Variants in CEP290 observed in about 807,000 individuals in gnomAD.
CEP290 encodes centrosomal protein of 290 kDa.
Under a neutral mutation model 344.9 loss-of-function variants are expected in CEP290, and 317 were observed. That is an observed-to-expected ratio of 0.92 (90% CI 0.84 to 1.01). The LOEUF (loss-of-function observed/expected upper bound fraction) is 1.01, where lower values mean the gene tolerates loss of function less well. CEP290 is among the 50% of genes least tolerant of loss of function. The pLI is 0.00. For synonymous variants in CEP290, 932 were observed against 895.8 expected, an observed-to-expected ratio of 1.04 and a Z score of -0.72; for missense variants, 2,754 against 2,761.4, an observed-to-expected ratio of 1.00 and a Z score of 0.06.
chr12:88,098,107 G>C (rs2037576375), intron 26 of CEP290, among the ~76,000 whole-genome samples: 1 of 151,696 alleles, frequency 6.6e-6, no homozygotes, highest in African/African-American at 2.4e-5. Context: ...AGGAGTTCGA[G>C]ACAAGCCTGG....
At chr12:88,137,495 G>C (rs2138229383) in intron 5 of CEP290, among the ~76,000 whole-genome samples, 1 of 152,168 alleles carries the variant, frequency 6.6e-6, no homozygotes, top group South Asian at 2.1e-4. Context: ...CAAATCATTT[G>C]GTCATCTAAT....
chr12:88,136,645 G>C lies in CEP290; in HGVS notation c.439C>G (p.Gln147Glu). 6.2e-7 allele frequency: 1 copy of C among 1,613,302 alleles called. No homozygotes were observed. The highest frequency in any genetic ancestry group is 2.2e-5 in the East Asian group (1 of 44,830). Residue 147 changes from glutamine (Q) to glutamate (E), a missense_variant and splice_region_variant, in exon 6 of 54, where the codon CAA becomes GAA. By Grantham distance (29) the Gln-to-Glu change is conservative. Transcript: ENST00000552810. ...CATGGAAAAAAAAAGTGCTTTACTT[G>C]CTCATTAACTTTCTTCTCTTTCTCC... The part of the protein sequence containing the change: ...ELEKEKKVNE[Q>E]LALRNEEAEN...
intron 39 of CEP290, 67 bp downstream of exon 39, chr12:88,079,025 C>T (rs2035991169): frequency 2.9e-6 from 4 of 1,356,194 alleles, no homozygotes; most frequent in Non-Finnish European, 3.9e-6. Context: ...TACTATATAT[C>T]ATAGTGAATT....
Position 88,049,290 on chromosome 12 carries a change from A to G in CEP290, c.7334T>C (p.Val2445Ala). 1 of 1,606,648 alleles carries G rather than the reference A, an allele frequency of 6.2e-7. No homozygotes were observed. Among genetic ancestry groups the G allele is most frequent in the South Asian group, 1.1e-5 (1 of 90,302 alleles). ...TCCCAATTGTTCTGAAAGTTTTTTTACCTTCTCTTCTAAGAGAATATTCTT... is the reference window on the plus strand; with the variant it reads ...TCCCAATTGTTCTGAAAGTTTTTTTGCCTTCTCTTCTAAGAGAATATTCTT... ...VKKNILLEEK[V>A]KKLSEQLGVE... Residue 2445 changes from valine to alanine, a missense_variant, in exon 54 of 54, where the codon GTA becomes GCA. Coordinates refer to ENST00000552810, the MANE Select transcript of CEP290 (RefSeq NM_025114.4).
chr12:88,089,376 G>A lies in CEP290; in HGVS notation c.3685C>T (p.Gln1229Ter). Reference protein sequence around the residue: ...GKLESITSKLQKMEAYNLRLE... With the variant: ...GKLESITSKL ...CGCAAGTTGTAGGCCTCCATCTTCT[G>A]CAGTTTAGATGTAATTGACTCCAAC... The change falls in exon 31 of 54, where the codon CAG becomes TAG. Residue 1229 changes from glutamine to a stop codon, truncating the protein, a stop_gained. Coordinates refer to ENST00000552810, the MANE Select transcript of CEP290 (RefSeq NM_025114.4). LOFTEE classifies it high-confidence loss of function. 2 of 1,613,796 alleles carry A rather than the reference G, an allele frequency of 1.2e-6. No individual in the cohort carries two copies. Among genetic ancestry groups the A allele is most frequent in the Non-Finnish European group, 1.7e-6 (2 of 1,179,824 alleles).
intron 39 of CEP290, among the ~76,000 whole-genome samples, 176 bp from the exon 40 acceptor site, chr12:88,078,094 T>C (rs904175466): frequency 6.7e-6 from 1 of 149,734 alleles, no homozygotes; most frequent in Non-Finnish European, 1.5e-5. Flanking sequence ...ATGTCAAGTC[T>C]ACCTTGAGGA....
At chr12:88,134,227 A>T (rs915379025) in intron 6 of CEP290, among the ~76,000 whole-genome samples, 9 of 152,186 alleles carry the variant, frequency 5.9e-5, no homozygotes, top group African/African-American at 2.2e-4. Context: ...CTACCTATTT[A>T]GTGGCCCAAC....
chr12:88,091,034 A>G (rs187739622), intron 29 of CEP290, among the ~76,000 whole-genome samples, 195 bp from the exon 30 acceptor site: 13 of 152,270 alleles, frequency 8.5e-5, no homozygotes, highest in African/African-American at 2.9e-4. Context: ...CATGTTTGCT[A>G]TATAAAAAAA....
chr12:88,076,527 C>CGATAT (rs1272141220), intron 41 of CEP290, among the ~76,000 whole-genome samples: 1 of 151,972 alleles, frequency 6.6e-6, no homozygotes, highest in Non-Finnish European at 1.5e-5. Context: ...AGTTCACTTT[C>CGATAT]GATATTTTGA....
At chr12:88,082,761 G>C (rs568845341) in intron 37 of CEP290, among the ~76,000 whole-genome samples, 1 of 152,112 alleles carries the variant, frequency 6.6e-6, no homozygotes, top group Non-Finnish European at 1.5e-5. Flanking sequence ...TTCTGGAAAA[G>C]AATTTGTATT....
intron 46 of CEP290, among the ~76,000 whole-genome samples, chr12:88,062,432 T>A (rs771033474): frequency 5.6e-4 from 86 of 152,262 alleles, no homozygotes; most frequent in Admixed American, 1.5e-3. Context: ...AACAAAAGGA[T>A]TCCTGGAAGT....
intron 26 of CEP290, among the ~76,000 whole-genome samples, chr12:88,098,975 G>A (rs192796166): frequency 9.2e-5 from 14 of 152,280 alleles, no homozygotes; most frequent in Admixed American, 7.8e-4. Context: ...CCAAGACAAG[G>A]AACTGGAATT....
At chr12:88,106,586 CAGGTGATGAGCATTATTGAT>C in intron 25 of CEP290, 69 bp downstream of exon 25, 1 of 745,942 alleles carries the variant, frequency 1.3e-6, no homozygotes, top group Non-Finnish European at 2.1e-6. Context: ...ACTATTAATT[CAGGTGATGAGCATTATTGAT>C]ACCATCCTAT....
chr12:88,089,325 C>T lies in CEP290; in HGVS notation c.3736G>A (p.Glu1246Lys). Residue 1246 changes from glutamate (E) to lysine (K), a missense_variant, in exon 31 of 54, where the codon GAA becomes AAA. By Grantham distance (56) the Glu-to-Lys change is moderately conservative. Coordinates refer to ENST00000552810, the MANE Select transcript of CEP290 (RefSeq NM_025114.4). ...LRLEQKLDEK[E>K]QALYYARLEG... ...AAACGAGCATAATAGAGAGCCTGTT[C>T]TTTTTCATCAAGTTTCTGCTCTAAG... is the stretch of plus-strand genomic sequence containing the variant. 6.2e-7 allele frequency: 1 copy of T among 1,613,930 alleles called. No individual in the cohort carries two copies. The highest frequency in any genetic ancestry group is 1.3e-5 in the African/African-American group (1 of 75,026).
intron 3 of CEP290, 34 bp downstream of exon 3, chr12:88,140,922 C>T (rs368638083): frequency 2.9e-5 from 41 of 1,429,522 alleles, no homozygotes; most frequent in Non-Finnish European, 3.7e-5. Context: ...CCACTAATAG[C>T]CAAACCTATA....
In CEP290 at chr12:88,055,763, G is replaced by A. The variant is rs1320170502; in HGVS notation, c.6819-46C>T. 4 of 1,283,450 alleles carry A rather than the reference G, an allele frequency of 3.1e-6. No homozygotes were observed. In the African/African-American group the frequency reaches 6.2e-5, roughly 20 times the overall value. 79.5% of individuals were successfully genotyped at this position (1,283,450 alleles called of 1,614,324 possible). ...AGTATAGACATGGCAAATAATTTAT[G>A]TCACTGATTTAAAAGTCAGTTCAAA... On this transcript the variant is annotated intron_variant, in intron 49 of 53. Transcript: ENST00000552810.
At chr12:88,061,605 T>C (rs2034486216) in intron 46 of CEP290, among the ~76,000 whole-genome samples, 2 of 151,932 alleles carry the variant, frequency 1.3e-5, no homozygotes, top group South Asian at 4.1e-4. Context: ...TTAATTTCTT[T>C]TTGCATTTTA....
intron 13 of CEP290, among the ~76,000 whole-genome samples, chr12:88,123,246 T>A (rs1265973218): frequency 2.0e-5 from 3 of 152,146 alleles, no homozygotes; most frequent in African/African-American, 7.2e-5. Flanking sequence ...CCTAAAATCA[T>A]GAGTTATTTC....
intron 6 of CEP290, 109 bp from the exon 7 acceptor site, chr12:88,131,327 G>A (rs753621996): frequency 4.9e-5 from 35 of 717,492 alleles, no homozygotes; most frequent in African/African-American, 1.5e-4. Flanking sequence ...ACAGTGGTGC[G>A]ATCTCGGCTC....
Sources: gnomAD v4.1 joint callset for allele counts (sites outside exome capture counted in the v4.1 genomes callset) on GRCh38, gnomAD v4.1.1 for gene constraint, MANE v1.5 for transcripts, NCBI Gene and HGNC (gene_info 2026-07-23, HGNC 2026-07-21) for gene names.